Variants in UNC79 observed in about 807,000 individuals in gnomAD.
UNC79 encodes protein unc-79 homolog.
UNC79 carries 37 observed loss-of-function variants against 283.1 expected under a neutral mutation model. The observed-to-expected ratio is 0.13, with a 90% CI of 0.10 to 0.17. UNC79 has a LOEUF of 0.17. UNC79 is among the 10% of genes least tolerant of loss of function. UNC79 has a pLI of 1.00. For missense variants in UNC79, 2,272 were observed against 3,211.1 expected (o/e 0.71, Z 7.07); for synonymous variants, 1,107 against 1,200.2 (o/e 0.92, Z 1.61).
chr14:93,436,424 A>G lies in UNC79; in HGVS notation c.22+5373A>G, dbSNP rs139492196. On this transcript the variant is annotated intron_variant, in intron 1 of 48. Coordinates refer to ENST00000555664, the Ensembl canonical transcript of UNC79. ...CGATTAGCTAAATTTTCCTTTTACT[A>G]TATTCAAAATAATAATTATGATTCT... Among the ~76,000 whole-genome samples, 58 of 152,140 alleles carry G rather than the reference A, an allele frequency of 3.8e-4. No individual in the cohort carries two copies. The East Asian group carries it at 8.1e-3, about 21-fold the overall frequency.
intron 30 of UNC79, among the ~76,000 whole-genome samples, chr14:93,625,351 C>CTAGAGAA (rs2067486737): frequency 1.3e-5 from 2 of 152,226 alleles, no homozygotes; most frequent in African/African-American, 4.8e-5. Context: ...ATCACGAACC[C>CTAGAGAA]TGGCTCTTCC....
chr14:93,440,642 C>T (rs545994537), intron 1 of UNC79, among the ~76,000 whole-genome samples: 1 of 151,386 alleles, frequency 6.6e-6, no homozygotes. Context: ...TTTATTATAA[C>T]TATTTTCAAG....
intron 7 of UNC79, among the ~76,000 whole-genome samples, chr14:93,507,419 A>G (rs1255643428): frequency 6.6e-6 from 1 of 152,198 alleles, no homozygotes; most frequent in African/African-American, 2.4e-5. Context: ...AATTTTAGCC[A>G]TTCTGGTGAG....
chr14:93,643,901 T>C (rs757257781), intron 34 of UNC79, among the ~76,000 whole-genome samples: 3 of 152,196 alleles, frequency 2.0e-5, no homozygotes, highest in Non-Finnish European at 4.4e-5. Context: ...TGAGTCACAA[T>C]GTCAGAGCAA....
At chr14:93,689,130 T>C (rs2074481059) in intron 44 of UNC79, 3 of 421,776 alleles carry the variant, frequency 7.1e-6, no homozygotes. Flanking sequence ...TGATTTCAAC[T>C]AGTTAAGTAA....
chr14:93,497,766 T>C (rs2140622376), intron 7 of UNC79, among the ~76,000 whole-genome samples: 1 of 152,212 alleles, frequency 6.6e-6, no homozygotes, highest in Non-Finnish European at 1.5e-5. Context: ...GGCGGGCAGA[T>C]CACAAGGTCA....
At chr14:93,594,224 G>A (rs993227942) in intron 23 of UNC79, among the ~76,000 whole-genome samples, 2 of 152,182 alleles carry the variant, frequency 1.3e-5, no homozygotes, top group South Asian at 2.1e-4. Flanking sequence ...TAGAGCTACC[G>A]AATCAGAATC....
intron 6 of UNC79, 88 bp downstream of exon 6, chr14:93,496,554 A>G (rs758250260): frequency 2.3e-6 from 2 of 882,222 alleles, no homozygotes; most frequent in Admixed American, 3.1e-5. Context: ...ACTGTTGTTT[A>G]GGTCAAATTT....
chr14:93,565,584 G>T (rs1051251606), intron 14 of UNC79, among the ~76,000 whole-genome samples: 1 of 152,144 alleles, frequency 6.6e-6, no homozygotes, highest in African/African-American at 2.4e-5. Flanking sequence ...CACCATATAT[G>T]TTGTTTTCTA....
At chr14:93,438,395 T>C (rs944292209) in intron 1 of UNC79, among the ~76,000 whole-genome samples, 3 of 152,180 alleles carry the variant, frequency 2.0e-5, no homozygotes, top group African/African-American at 7.2e-5. Flanking sequence ...ACTCTCCAAG[T>C]GCATCCTACT....
chr14:93,485,459 T>C (rs1210914210), intron 4 of UNC79, among the ~76,000 whole-genome samples: 1 of 152,062 alleles, frequency 6.6e-6, no homozygotes, highest in Non-Finnish European at 1.5e-5. Context: ...GCTTATTAAT[T>C]AAACAGGTAC....
Position 93,454,846 on chromosome 14 carries a change from A to G in UNC79, c.23-12825A>G, listed in dbSNP as rs1033185861. Among the ~76,000 whole-genome samples the G allele has an allele frequency of 2.0e-5, 3 of 152,322 alleles. No individual in the cohort carries two copies. The East Asian group carries it at 5.8e-4, about 29-fold the overall frequency. On this transcript the variant is annotated intron_variant, in intron 1 of 48. Coordinates refer to ENST00000555664, the Ensembl canonical transcript of UNC79. ...ATGTCTAAAATTCTCTAGACTGGAC[A>G]TTTTGCTTTTCACATGTTAAATGCT...
intron 8 of UNC79, among the ~76,000 whole-genome samples, chr14:93,527,482 C>T (rs561049231): frequency 6.6e-6 from 1 of 152,314 alleles, no homozygotes; most frequent in African/African-American, 2.4e-5. Context: ...GGAAAATTTT[C>T]ACTCTGAGCC....
intron 5 of UNC79, among the ~76,000 whole-genome samples, chr14:93,489,184 T>G (rs1345951920): frequency 6.6e-6 from 1 of 152,202 alleles, no homozygotes; most frequent in Non-Finnish European, 1.5e-5. Flanking sequence ...GTGATCCTCC[T>G]GCCTTGGACT....
intron 4 of UNC79, among the ~76,000 whole-genome samples, chr14:93,485,444 G>C (rs1486643918): frequency 2.0e-5 from 3 of 151,878 alleles, no homozygotes; most frequent in Non-Finnish European, 4.4e-5. Context: ...AGAATCACCT[G>C]ATGTGCTTAT....
intron 1 of UNC79, among the ~76,000 whole-genome samples, chr14:93,453,242 T>A (rs1228800192): frequency 6.6e-6 from 1 of 152,242 alleles, no homozygotes; most frequent in Non-Finnish European, 1.5e-5. Flanking sequence ...TGCAATCATT[T>A]TGTTTTGAAA....
intron 26 of UNC79, among the ~76,000 whole-genome samples, chr14:93,606,827 T>C (rs1421573935): frequency 6.6e-6 from 1 of 152,218 alleles, no homozygotes; most frequent in Non-Finnish European, 1.5e-5. Context: ...GTCACATTTC[T>C]CTATGACTTT....
At chr14:93,616,048 T>C (rs2066700131) in intron 27 of UNC79, among the ~76,000 whole-genome samples, 1 of 152,112 alleles carries the variant, frequency 6.6e-6, no homozygotes, top group Non-Finnish European at 1.5e-5. Flanking sequence ...ATGGTTAAGT[T>C]CTTTAGTGGT....
In UNC79 at chr14:93,404,513, T is replaced by TATATATATATATATATATATATAA. The variant is rs1229909876; in HGVS notation, c.-350-63157_-350-63156insTATATATATATATATATATATAAA. Among the ~76,000 whole-genome samples the TATATATATATATATATATATATAA allele has an allele frequency of 6.4e-3, 726 of 112,808 alleles. 11 individuals carry two copies. Among genetic ancestry groups the TATATATATATATATATATATATAA allele is most frequent in the Non-Finnish European group, 9.3e-3 (505 of 54,416 alleles). The allele number at this position is 112,808 out of a possible 152,430, so 74.0% of individuals were successfully genotyped here. ...AAAAAAATATATATATATATATATA[T>TATATATATATATATATATATATAA]AAATATATACATATTATATATTATT... On this transcript the variant is annotated intron_variant, in intron 1 of 49. Coordinates refer to the UNC79 transcript ENST00000256339.
Sources: gnomAD v4.1 joint callset for allele counts (sites outside exome capture counted in the v4.1 genomes callset) on GRCh38, gnomAD v4.1.1 for gene constraint, MANE v1.5 for transcripts, NCBI Gene and HGNC (gene_info 2026-07-23, HGNC 2026-07-21) for gene names.